The following PAPOLA variants were observed in gnomAD, a reference collection of about 807,000 sequenced individuals.
PAPOLA encodes the protein poly(A) polymerase alpha, also known as polynucleotide adenylyltransferase alpha.
In PAPOLA, 15 loss-of-function variants were observed where a neutral mutation model predicts 100.6. The observed-to-expected ratio is 0.15, with a 90% CI of 0.10 to 0.23. PAPOLA has a LOEUF of 0.23. Ranked by LOEUF, PAPOLA falls within the 10% of genes least tolerant of loss-of-function variation. PAPOLA has a pLI of 1.00. For missense variants in PAPOLA, 533 were observed against 884.2 expected (o/e 0.60, Z 5.04); for synonymous variants, 293 against 300.0 (o/e 0.98, Z 0.24).
intron 1 of PAPOLA, among the ~76,000 whole-genome samples, chr14:96,509,306 G>A (rs1176905162): frequency 2.0e-5 from 3 of 152,156 alleles, no homozygotes; most frequent in Non-Finnish European, 4.4e-5. Flanking sequence ...CGAGATTACA[G>A]GTGGCTCATG....
At chr14:96,524,851 T>C (rs765096181) in intron 3 of PAPOLA, among the ~76,000 whole-genome samples, 5 of 152,014 alleles carry the variant, frequency 3.3e-5, no homozygotes, top group Non-Finnish European at 7.4e-5. Flanking sequence ...TTTGATATGA[T>C]AAAAAAAATA....
At chr14:96,536,068 A>T (rs1899499841) in intron 11 of PAPOLA, 69 bp downstream of exon 11, 2 of 1,181,768 alleles carry the variant, frequency 1.7e-6, no homozygotes, top group African/African-American at 1.6e-5. Flanking sequence ...CCCAGTAGTC[A>T]GCTGTGCAAC....
At chr14:96,520,851 C>A (rs911582471) in intron 2 of PAPOLA, 155 bp from the exon 3 acceptor site, 42 of 547,598 alleles carry the variant, frequency 7.7e-5, no homozygotes, top group Non-Finnish European at 1.2e-4. Context: ...AGAGAGAAAG[C>A]GAGAGAGAGA....
rs116039518 is a variant in PAPOLA, at chr14:96,554,422, G to T, written c.1665-1425G>T. Among the ~76,000 whole-genome samples, 618 of 152,334 alleles carry T rather than the reference G, an allele frequency of 4.1e-3. 2 individuals carry two copies. Among genetic ancestry groups the T allele is most frequent in the African/African-American group, 0.014 (586 of 41,570 alleles). The stretch of plus-strand genomic sequence containing the variant: ...GTCCCTGAGTGGTAACACCTGCTCT[G>T]TTGACTACATTTACATTCATATACC... On this transcript the variant is annotated intron_variant, in intron 17 of 21. Transcript: ENST00000216277.
Position 96,532,602 on chromosome 14 carries a change from A to G in PAPOLA, c.789A>G (p.Ala263=), listed in dbSNP as rs1262537901. Residue 263 remains alanine, a synonymous_variant, in exon 9 of 22, where the codon GCA becomes GCG. Transcript: ENST00000216277. ...GAACTTGCCAGCTTTATCCAAATGC[A>G]ATAGCATCAACTCTTGTACATAAAT... ...VARTCQLYPN[A]IASTLVHKFF... 6.2e-7 allele frequency: 1 copy of G among 1,612,976 alleles called. No individual in the cohort carries two copies. Among genetic ancestry groups the G allele is most frequent in the African/African-American group, 1.3e-5 (1 of 74,960 alleles).
At chr14:96,522,141 T>TTTTTTTTTTTTTTTTCA (rs1898051698) in intron 3 of PAPOLA, among the ~76,000 whole-genome samples, 1 of 139,088 alleles carries the variant, frequency 7.2e-6, no homozygotes, top group Non-Finnish European at 1.5e-5. Context: ...TTTTTTTTTT[T>TTTTTTTTTTTTTTTTCA]GAGACAGTCT....
intron 1 of PAPOLA, chr14:96,502,835 C>T (rs1896396020): frequency 1.6e-5 from 7 of 435,244 alleles, no homozygotes; most frequent in Non-Finnish European, 2.4e-5. Context: ...TGCCGTCGGG[C>T]CGGGGGCCTT....
intron 15 of PAPOLA, among the ~76,000 whole-genome samples, chr14:96,544,658 AT>A (rs772790503): frequency 6.6e-5 from 10 of 151,970 alleles, no homozygotes; most frequent in Non-Finnish European, 1.5e-4. Context: ...ATTTTTCTCT[AT>A]TGTGGTGACC....
chr14:96,530,728 A>G (rs1446255729), intron 6 of PAPOLA, among the ~76,000 whole-genome samples: 3 of 152,154 alleles, frequency 2.0e-5, no homozygotes, highest in Non-Finnish European at 4.4e-5. Flanking sequence ...AATACCTATG[A>G]TACGAAATAA....
chr14:96,559,539 A>G (rs1901635345), intron 19 of PAPOLA, among the ~76,000 whole-genome samples: 1 of 144,468 alleles, frequency 6.9e-6, no homozygotes, highest in South Asian at 2.2e-4. Flanking sequence ...CCTGGATTAT[A>G]GCTAAATTAA....
chr14:96,532,477 C>A (rs758692696), intron 8 of PAPOLA, 34 bp from the exon 9 acceptor site: 1 of 1,606,376 alleles, frequency 6.2e-7, no homozygotes. Context: ...TTGTTCAACA[C>A]TAACTTATCT....
chr14:96,529,742 A>C (rs1206983185), intron 6 of PAPOLA, among the ~76,000 whole-genome samples: 1 of 151,108 alleles, frequency 6.6e-6, no homozygotes, highest in Admixed American at 6.6e-5. Context: ...ACAAACAAAC[A>C]AAAAAAAAGT....
At chr14:96,516,348 C>T (rs1366922791) in intron 1 of PAPOLA, among the ~76,000 whole-genome samples, 1 of 150,852 alleles carries the variant, frequency 6.6e-6, no homozygotes, top group Non-Finnish European at 1.5e-5. Flanking sequence ...CTTCCCTTTC[C>T]TTCCCCTCCC....
rs139755502 is a variant in PAPOLA, at chr14:96,519,034, G to A, written c.9-1021G>A. On this transcript the variant is annotated intron_variant, in intron 1 of 21. Coordinates refer to ENST00000216277, the MANE Select transcript of PAPOLA (RefSeq NM_032632.5). The stretch of plus-strand genomic sequence containing the variant: ...ATCGTACCACTGTACTCCAGCCTGG[G>A]TGACAGAGCGAGACTCCATCTCAAA... Among the ~76,000 whole-genome samples, 1,198 of 152,190 alleles carry A rather than the reference G, an allele frequency of 7.9e-3. 19 individuals are homozygous for A. The highest frequency in any genetic ancestry group is 0.046 in the South Asian group (220 of 4,820).
chr14:96,513,140 T>C (rs1052671910), intron 1 of PAPOLA, among the ~76,000 whole-genome samples: 1 of 152,322 alleles, frequency 6.6e-6, no homozygotes, highest in East Asian at 1.9e-4. Flanking sequence ...CACAGATCAC[T>C]ACAGCCTCAG....
In PAPOLA at chr14:96,565,513, T is replaced by C. The variant is rs1032383565; in HGVS notation, c.*463T>C. 1.5e-5 allele frequency: 6 copies of C among 407,010 alleles called. No individual in the cohort carries two copies. Among genetic ancestry groups the C allele is most frequent in the Non-Finnish European group, 2.2e-5 (5 of 229,602 alleles). 25.2% of individuals were successfully genotyped at this position (407,010 alleles called of 1,614,324 possible). A position where few individuals can be genotyped will look rare whatever the true frequency, so the allele number is the denominator to read the frequency against. On this transcript the variant is annotated 3_prime_UTR_variant, in exon 22 of 22. Transcript: ENST00000216277. ...CCTGAAGAATTTTCTTTACCATTAG[T>C]CTTCAAATTGGATACTGTTGTGCAG...
chr14:96,543,553 TTATA>T (rs1316393728), intron 14 of PAPOLA, among the ~76,000 whole-genome samples: 2 of 151,584 alleles, frequency 1.3e-5, no homozygotes, highest in Non-Finnish European at 2.9e-5. Flanking sequence ...TTCTTATTGA[TTATA>T]TAGATTTTTT....
At chr14:96,535,640 C>T in intron 10 of PAPOLA, 6 of 1,019,014 alleles carry the variant, frequency 5.9e-6, no homozygotes, top group Non-Finnish European at 7.3e-6. Context: ...TCAGCAGGCA[C>T]ACTTTCTAGT....
chr14:96,545,156 A>G lies in PAPOLA; in HGVS notation c.1399+898A>G, dbSNP rs139791029. On this transcript the variant is annotated intron_variant, in intron 15 of 21. Transcript: ENST00000216277. ...CTTTGAGGAGTTTTCACTTGAGAAC[A>G]TACAGACTTAAAATTAAGAAATGTT... is the stretch of plus-strand genomic sequence containing the variant. Among the ~76,000 whole-genome samples, 181 of 152,224 alleles carry G rather than the reference A, an allele frequency of 1.2e-3. 1 individual carries two copies. The highest frequency in any genetic ancestry group is 4.1e-3 in the African/African-American group (171 of 41,578).
Sources: gnomAD v4.1 joint callset for allele counts (sites outside exome capture counted in the v4.1 genomes callset) on GRCh38, gnomAD v4.1.1 for gene constraint, MANE v1.5 for transcripts, NCBI Gene and HGNC (gene_info 2026-07-23, HGNC 2026-07-21) for gene names.